DENND1A: variants seen among roughly 807,000 people sequenced by gnomAD.
The protein encoded by DENND1A is DENN domain containing 1A, also known as DENN domain-containing protein 1A.
A neutral mutation model predicts 113.7 loss-of-function variants in DENND1A; 51 were observed. That is an observed-to-expected ratio of 0.45 (90% confidence interval 0.36 to 0.57). DENND1A has a LOEUF of 0.57. Ranked by LOEUF, DENND1A falls within the 20% of genes least tolerant of loss-of-function variation. The pLI, the probability that DENND1A is intolerant of heterozygous loss-of-function variation, is 0.00. For missense variants in DENND1A, 1,258 were observed against 1,395.9 expected (o/e 0.90, Z 1.57); for synonymous variants, 565 against 570.8 (o/e 0.99, Z 0.14).
intron 8 of DENND1A, 154 bp from the exon 9 acceptor site, chr9:123,652,277 A>G: frequency 1.6e-6 from 1 of 615,732 alleles, no homozygotes; most frequent in Non-Finnish European, 2.8e-6. Context: ...AAATCCCCAC[A>G]TGTGTAAAAT....
chr9:123,631,865 T>C (rs1208498083), intron 9 of DENND1A, among the ~76,000 whole-genome samples: 2 of 151,730 alleles, frequency 1.3e-5, no homozygotes. Flanking sequence ...AAATTCAATA[T>C]AGTGAAAAGA....
chr9:123,556,481 C>T (rs2057421534), intron 13 of DENND1A, among the ~76,000 whole-genome samples: 1 of 152,224 alleles, frequency 6.6e-6, no homozygotes, highest in South Asian at 2.1e-4. Flanking sequence ...CCCCTGCTCA[C>T]AATCAGAATT....
chr9:123,671,327 G>A lies in DENND1A; in HGVS notation c.417C>T (p.Pro139=), dbSNP rs772788552. 2.5e-6 allele frequency: 4 copies of A among 1,614,004 alleles called. No homozygotes were observed. The highest frequency in any genetic ancestry group is 1.3e-5 in the African/African-American group (1 of 75,008). ...NELLETLHKL[P]IPDPGVSVHL... The stretch of plus-strand genomic sequence containing the variant: ...GGACAGACACTCCTGGGTCAGGGAT[G>A]GGAAGTTTGTGCAGAGTTTCAAGAA... Residue 139 remains proline, a synonymous_variant, in exon 7 of 24, where the codon CCC becomes CCT. Coordinates refer to ENST00000394215, the MANE Select transcript of DENND1A (RefSeq NM_001352964.2).
At chr9:123,395,655 C>T (rs1335512375) in intron 21 of DENND1A, among the ~76,000 whole-genome samples, 4 of 152,066 alleles carry the variant, frequency 2.6e-5, no homozygotes, top group Admixed American at 6.5e-5. Flanking sequence ...CCCCTGGGGC[C>T]GAGGGCCCAG....
chr9:123,510,505 G>T (rs2053367718), intron 13 of DENND1A, among the ~76,000 whole-genome samples: 1 of 152,254 alleles, frequency 6.6e-6, no homozygotes, highest in Admixed American at 6.5e-5. Context: ...AGCCACATGA[G>T]ATGGGCAGAG....
intron 5 of DENND1A, among the ~76,000 whole-genome samples, chr9:123,743,710 C>A (rs1474763101): frequency 6.9e-6 from 1 of 145,334 alleles, no homozygotes; most frequent in Non-Finnish European, 1.5e-5. Flanking sequence ...TCAACCTGGG[C>A]AACAAAAGTG....
At chr9:123,837,469 T>C (rs1158613916) in intron 2 of DENND1A, among the ~76,000 whole-genome samples, 1 of 152,170 alleles carries the variant, frequency 6.6e-6, no homozygotes, top group Non-Finnish European at 1.5e-5. Flanking sequence ...ACATTATATA[T>C]ATGTAGTTTT....
rs550651888 is a variant in DENND1A, at chr9:123,666,903, G to A, written c.507+123C>T. The A allele has an allele frequency of 5.2e-5, 50 of 970,592 alleles. 1 individual carries two copies. The Admixed American group carries it at 1.2e-3, about 23-fold the overall frequency. 60.1% of individuals were successfully genotyped at this position (970,592 alleles called of 1,614,324 possible). ...TCTTATACTTTTGTTTTTATAATGT[G>A]TTTTTTAAAAACCATAATTTTTATA... On this transcript the variant is annotated intron_variant, in intron 8 of 23. Coordinates refer to ENST00000394215, the MANE Select transcript of DENND1A (RefSeq NM_001352964.2).
intron 13 of DENND1A, among the ~76,000 whole-genome samples, chr9:123,552,828 T>C (rs752661461): frequency 6.6e-6 from 1 of 152,272 alleles, no homozygotes; most frequent in Admixed American, 6.5e-5. Flanking sequence ...AGGCCTTAAA[T>C]GGACTCACAT....
intron 21 of DENND1A, chr9:123,400,845 T>C (rs940349052): frequency 1.3e-5 from 2 of 152,176 alleles, no homozygotes; most frequent in African/African-American, 4.8e-5. Context: ...CCTCCCAAAG[T>C]GCTGGGATTA....
At chr9:123,667,243 T>A (rs2063535130) in intron 7 of DENND1A, among the ~76,000 whole-genome samples, 164 bp from the exon 8 acceptor site, 1 of 152,228 alleles carries the variant, frequency 6.6e-6, no homozygotes, top group African/African-American at 2.4e-5. Flanking sequence ...AATGTCAGAT[T>A]GAACCAGATG....
chr9:123,879,448 A>T (rs949168927), intron 1 of DENND1A, among the ~76,000 whole-genome samples: 1 of 152,126 alleles, frequency 6.6e-6, no homozygotes, highest in Non-Finnish European at 1.5e-5. Context: ...TGGGAGGATC[A>T]CTTGAGCCCA....
chr9:123,889,736 G>T (rs756365736), intron 1 of DENND1A, among the ~76,000 whole-genome samples: 1 of 152,282 alleles, frequency 6.6e-6, no homozygotes, highest in Admixed American at 6.5e-5. Flanking sequence ...ACTTTGGGAG[G>T]CCGAGGCAGG....
At chr9:123,426,261 A>G (rs1034363855) in intron 19 of DENND1A, among the ~76,000 whole-genome samples, 1 of 152,188 alleles carries the variant, frequency 6.6e-6, no homozygotes, top group African/African-American at 2.4e-5. Flanking sequence ...GCCTATCTCA[A>G]CGTGTGCTGA....
chr9:123,903,772 C>G (rs1234396522), intron 1 of DENND1A, among the ~76,000 whole-genome samples: 3 of 152,206 alleles, frequency 2.0e-5, no homozygotes, highest in African/African-American at 7.2e-5. Context: ...GATCAAACAG[C>G]AAGGCGGCAG....
At chr9:123,600,419 AGG>A in intron 11 of DENND1A, among the ~76,000 whole-genome samples, 1 of 152,258 alleles carries the variant, frequency 6.6e-6, no homozygotes, top group Non-Finnish European at 1.5e-5. Flanking sequence ...GGGCTCAAAG[AGG>A]CACCTTAACG....
rs186529574 is a variant in DENND1A, at chr9:123,652,518, G to A, written c.508-395C>T. ...GACAGGACTGCTGCTCAAATCTTTG[G>A]GCCCCAGATCCTAGAACCTTCCCGA... On this transcript the variant is annotated intron_variant, in intron 8 of 23. Transcript: ENST00000394215. 1.1e-4 allele frequency among the ~76,000 whole-genome samples: 17 copies of A among 152,280 alleles called. No homozygotes were observed. In the East Asian group the frequency reaches 3.3e-3, roughly 29 times the overall value.
At chr9:123,523,815 C>A (rs2054586586) in intron 13 of DENND1A, among the ~76,000 whole-genome samples, 1 of 152,160 alleles carries the variant, frequency 6.6e-6, no homozygotes, top group African/African-American at 2.4e-5. Context: ...GCAGAAAGCA[C>A]CTCGGTCTGC....
At chr9:123,904,649 A>G (rs972802524) in intron 1 of DENND1A, among the ~76,000 whole-genome samples, 9 of 150,562 alleles carry the variant, frequency 6.0e-5, no homozygotes, top group Non-Finnish European at 1.3e-4. Context: ...CGAGAAGGGA[A>G]GTTTAGAGAA....
Sources: gnomAD v4.1 joint callset for allele counts (sites outside exome capture counted in the v4.1 genomes callset) on GRCh38, gnomAD v4.1.1 for gene constraint, MANE v1.5 for transcripts, NCBI Gene and HGNC (gene_info 2026-07-23, HGNC 2026-07-21) for gene names.